The following SESN3 variants were observed in gnomAD, a reference collection of about 807,000 sequenced individuals.
SESN3 encodes sestrin-3.
A neutral mutation model predicts 55.3 loss-of-function variants in SESN3; 21 were observed. The ratio of observed to expected loss-of-function variants is 0.38; its 90% confidence interval spans 0.27 to 0.55. The LOEUF (loss-of-function observed/expected upper bound fraction) is 0.55, where lower values mean the gene tolerates loss of function less well. SESN3 is among the 20% of genes least tolerant of loss of function. The pLI, the probability that SESN3 is intolerant of heterozygous loss-of-function variation, is 0.76. For synonymous variants in SESN3, 181 were observed against 203.1 expected, an observed-to-expected ratio of 0.89 and a Z score of 0.93; for missense variants, 408 against 604.3, an observed-to-expected ratio of 0.68 and a Z score of 3.41.
At chr11:95,200,344 A>G (rs1421187286) in intron 1 of SESN3, among the ~76,000 whole-genome samples, 1 of 152,110 alleles carries the variant, frequency 6.6e-6, no homozygotes, top group East Asian at 1.9e-4. Context: ...CTCTAAAAGA[A>G]AAATCCAAGA....
At chr11:95,190,345 A>C (rs1860243707) in intron 3 of SESN3, among the ~76,000 whole-genome samples, 1 of 151,926 alleles carries the variant, frequency 6.6e-6, no homozygotes, top group Non-Finnish European at 1.5e-5. Context: ...ATTCATCCTA[A>C]TTTGATTACT....
chr11:95,226,181 C>T (rs1860945274), intron 1 of SESN3, among the ~76,000 whole-genome samples: 1 of 152,052 alleles, frequency 6.6e-6, no homozygotes, highest in African/African-American at 2.4e-5. Flanking sequence ...AAAGAACTAA[C>T]ATAGTCTGGG....
intron 9 of SESN3, among the ~76,000 whole-genome samples, chr11:95,173,940 A>G (rs1270479167): frequency 6.6e-6 from 1 of 152,152 alleles, no homozygotes; most frequent in African/African-American, 2.4e-5. Context: ...ATTTACTATA[A>G]AAATATGTTT....
intron 1 of SESN3, among the ~76,000 whole-genome samples, chr11:95,219,116 AAATT>A (rs56403967): frequency 0.26 from 39,667 of 151,980 alleles, 5,839 homozygotes; most frequent in Non-Finnish European, 0.32. Context: ...CACAATATAA[AAATT>A]AATCTCAGGA....
chr11:95,231,208 C>A (rs1157198539), upstream of SESN3: 1 of 410,062 alleles, frequency 2.4e-6, no homozygotes, highest in Non-Finnish European at 4.3e-6. Flanking sequence ...AGTGCGGCCC[C>A]GCCTCCGCCG....
chr11:95,205,597 C>T (rs1860532827), intron 1 of SESN3, among the ~76,000 whole-genome samples: 1 of 151,954 alleles, frequency 6.6e-6, no homozygotes, highest in Non-Finnish European at 1.5e-5. Context: ...GCAATTCACA[C>T]AATAAGGCAG....
At chr11:95,214,317 T>C (rs1239375197) in intron 1 of SESN3, among the ~76,000 whole-genome samples, 2 of 152,200 alleles carry the variant, frequency 1.3e-5, no homozygotes, top group Non-Finnish European at 2.9e-5. Context: ...GGTTAAATTG[T>C]AGTATTAACT....
intron 1 of SESN3, among the ~76,000 whole-genome samples, chr11:95,211,555 C>T (rs1860655622): frequency 6.6e-6 from 1 of 152,158 alleles, no homozygotes; most frequent in African/African-American, 2.4e-5. Context: ...GCCACGAGGT[C>T]AGGAGTTTGA....
intron 1 of SESN3, among the ~76,000 whole-genome samples, chr11:95,196,335 T>C (rs1860360321): frequency 6.6e-6 from 1 of 152,218 alleles, no homozygotes. Context: ...GTTCATAAAT[T>C]CTACTCTAAA....
intron 3 of SESN3, 26 bp from the exon 4 acceptor site, chr11:95,189,987 T>C: frequency 6.5e-7 from 1 of 1,548,172 alleles, no homozygotes; most frequent in Non-Finnish European, 8.7e-7. Flanking sequence ...AAAAATTCAT[T>C]GATAAAAGAA....
At chr11:95,227,484 G>A (rs1045088509) in intron 1 of SESN3, among the ~76,000 whole-genome samples, 1 of 151,990 alleles carries the variant, frequency 6.6e-6, no homozygotes, top group African/African-American at 2.4e-5. Context: ...GATTACAGGC[G>A]TAAGCCACCA....
chr11:95,226,496 A>G (rs549632141), intron 1 of SESN3, among the ~76,000 whole-genome samples: 1 of 152,210 alleles, frequency 6.6e-6, no homozygotes, highest in Non-Finnish European at 1.5e-5. Flanking sequence ...TGAACTATAA[A>G]GCATATAAAT....
chr11:95,201,283 G>A (rs993783786), intron 1 of SESN3: 5 of 152,038 alleles, frequency 3.3e-5, no homozygotes, highest in African/African-American at 9.7e-5. Context: ...GCTATTATTA[G>A]TGGAAACTGG....
chr11:95,178,628 A>G, intron 7 of SESN3, 82 bp downstream of exon 7: 2 of 838,104 alleles, frequency 2.4e-6, no homozygotes, highest in Non-Finnish European at 2.0e-6. Flanking sequence ...AAAATTGTTT[A>G]GTGCCAATTT....
chr11:95,185,125 TAATAAAAATTATGCAA>T (rs1372724274), intron 5 of SESN3, 115 bp downstream of exon 5: 27 of 591,836 alleles, frequency 4.6e-5, no homozygotes, highest in Non-Finnish European at 7.0e-5. Context: ...ATTTTTACAG[TAATAAAAATTATGCAA>T]AAATATTTTA....
At position 95,184,465 on chromosome 11, in the gene SESN3, G is replaced by C; in HGVS notation, c.892C>G (p.Leu298Val). ...AAAGTATCTCCAGAGACCACAAAAA[G>C]ACTTTCTTTCTTCTCCTTTTCAAAA... ...TRFEKEKKES[L>V]FVVSGDTFHS... is the part of the protein sequence containing the mutation. The change falls in exon 6 of 10, where the codon CTT becomes GTT. Residue 298 changes from leucine (L) to valine (V), a missense_variant. By Grantham distance (32) the Leu-to-Val change is conservative. This residue lies in a region of SESN3 where 119 missense variants were observed against 139.9 expected (regional missense o/e 0.85). Coordinates refer to ENST00000536441, the MANE Select transcript of SESN3 (RefSeq NM_144665.4). 1 of 1,613,564 alleles carries C rather than the reference G, an allele frequency of 6.2e-7. No individual in the cohort carries two copies. The highest frequency in any genetic ancestry group is 8.5e-7 in the Non-Finnish European group (1 of 1,179,786).
intron 1 of SESN3, among the ~76,000 whole-genome samples, chr11:95,222,586 C>T (rs138788784): frequency 2.6e-5 from 4 of 152,194 alleles, no homozygotes; most frequent in Admixed American, 6.5e-5. Flanking sequence ...TAACAATAAA[C>T]TCTCCATTAA....
chr11:95,174,428 T>A (rs1859915636), intron 9 of SESN3, among the ~76,000 whole-genome samples: 2 of 152,236 alleles, frequency 1.3e-5, no homozygotes, highest in African/African-American at 4.8e-5. Context: ...TATATTTGGC[T>A]CAAAGGTCCT....
intron 1 of SESN3, among the ~76,000 whole-genome samples, chr11:95,204,481 T>TCC (rs201134824): frequency 6.6e-6 from 1 of 151,346 alleles, no homozygotes; most frequent in East Asian, 1.9e-4. Context: ...AATGTTCCTG[T>TCC]CCCCCCCCTC....
Sources: allele counts gnomAD v4.1 joint callset (sites outside exome capture counted in the v4.1 genomes callset), GRCh38; gene constraint gnomAD v4.1.1; regional missense constraint gnomAD v4.1.1; transcripts MANE v1.5; gene names NCBI Gene and HGNC (gene_info 2026-07-23, HGNC 2026-07-21).